XKR4: variants seen among roughly 807,000 people sequenced by gnomAD.
XKR4 encodes XK related 4.
Under a neutral mutation model 53.9 loss-of-function variants are expected in XKR4, and 12 were observed. That is an observed-to-expected ratio of 0.22 (90% CI 0.14 to 0.36). The LOEUF (loss-of-function observed/expected upper bound fraction) is 0.36. XKR4 is among the 10% of genes least tolerant of loss of function. The pLI is 1.00. For synonymous variants in XKR4, 354 were observed against 362.4 expected (o/e 0.98, Z 0.26); for missense variants, 799 against 859.5 (o/e 0.93, Z 0.88).
rs75058595 is a variant in XKR4 at position 55,224,478 on chromosome 8, C to A, written c.806+121184C>A. ...AATGATTTTGTCATAAGACTTAGTTCACTCTCAACTTTGTCACTTACTTTT... is the reference window on the plus strand; with the variant it reads ...AATGATTTTGTCATAAGACTTAGTTAACTCTCAACTTTGTCACTTACTTTT... On this transcript the variant is annotated intron_variant, in intron 1 of 2. Transcript: ENST00000327381. Among the ~76,000 whole-genome samples the A allele has an allele frequency of 8.7e-3, 1,331 of 152,232 alleles. 13 individuals carry two copies. The highest frequency in any genetic ancestry group is 0.024 in the Middle Eastern group (7 of 292).
chr8:55,428,628 C>T (rs973908439), intron 2 of XKR4, among the ~76,000 whole-genome samples: 4 of 152,188 alleles, frequency 2.6e-5, no homozygotes, highest in African/African-American at 9.7e-5. Flanking sequence ...TCAACTCCCC[C>T]GTGTGTCACA....
intron 2 of XKR4, among the ~76,000 whole-genome samples, chr8:55,364,635 G>T (rs2658888): frequency 0.21 from 31,724 of 151,644 alleles, 3,498 homozygotes; most frequent in African/African-American, 0.28. Context: ...TTTTGTTGGG[G>T]TTTTTTTTGT....
At chr8:55,389,090 G>A (rs536979013) in intron 2 of XKR4, among the ~76,000 whole-genome samples, 6 of 152,314 alleles carry the variant, frequency 3.9e-5, no homozygotes, top group African/African-American at 1.4e-4. Context: ...CACACAGGGA[G>A]AGAGACACGT....
chr8:55,365,584 G>A (rs2939677), intron 2 of XKR4, among the ~76,000 whole-genome samples: 11,967 of 151,800 alleles, frequency 0.079, 638 homozygotes, highest in South Asian at 0.12. Context: ...GCGCATGCCT[G>A]TAATCCCAGC....
At chr8:55,353,830 G>A (rs2129383936) in intron 1 of XKR4, among the ~76,000 whole-genome samples, 1 of 152,344 alleles carries the variant, frequency 6.6e-6, no homozygotes, top group African/African-American at 2.4e-5. Context: ...CAGCCGTGCA[G>A]CGGTGGGAGA....
At chr8:55,185,577 CT>C (rs1329561016) in intron 1 of XKR4, among the ~76,000 whole-genome samples, 6 of 152,122 alleles carry the variant, frequency 3.9e-5, no homozygotes, top group Non-Finnish European at 8.8e-5. Context: ...ATGAAACAAG[CT>C]TGAACTTTTT....
chr8:55,385,962 T>G (rs755931320), intron 2 of XKR4, among the ~76,000 whole-genome samples: 3 of 152,228 alleles, frequency 2.0e-5, no homozygotes, highest in Non-Finnish European at 4.4e-5. Context: ...CTTAGATATT[T>G]CATATGTATA....
intron 1 of XKR4, among the ~76,000 whole-genome samples, chr8:55,114,096 G>T (rs1394622711): frequency 6.6e-6 from 1 of 152,120 alleles, no homozygotes; most frequent in Non-Finnish European, 1.5e-5. Flanking sequence ...ATCCAGAAAT[G>T]GGATTGCTGG....
At chr8:55,178,968 A>G (rs143890852) in intron 1 of XKR4, among the ~76,000 whole-genome samples, 1 of 152,240 alleles carries the variant, frequency 6.6e-6, no homozygotes, top group African/African-American at 2.4e-5. Context: ...GGTATGGCAT[A>G]GTTAAGTGGA....
At chr8:55,326,468 CTT>C (rs10666278) in intron 1 of XKR4, among the ~76,000 whole-genome samples, 212 of 111,760 alleles carry the variant, frequency 1.9e-3, no homozygotes, top group Non-Finnish European at 3.4e-3. Flanking sequence ...ATTTTTTTTC[CTT>C]TTTTTTTTTT....
intron 2 of XKR4, among the ~76,000 whole-genome samples, chr8:55,487,490 G>A (rs2129401816): frequency 6.8e-6 from 1 of 147,396 alleles, no homozygotes; most frequent in South Asian, 2.1e-4. Flanking sequence ...TCTTGAGACA[G>A]AGTCTTACTC....
chr8:55,312,313 A>G (rs1422346969), intron 1 of XKR4, among the ~76,000 whole-genome samples: 2 of 152,204 alleles, frequency 1.3e-5, no homozygotes, highest in African/African-American at 2.4e-5. Flanking sequence ...ACAAAAATTC[A>G]TAGTTGCCAA....
At chr8:55,109,482 C>A (rs1816203458) in intron 1 of XKR4, among the ~76,000 whole-genome samples, 1 of 152,176 alleles carries the variant, frequency 6.6e-6, no homozygotes, top group Non-Finnish European at 1.5e-5. Flanking sequence ...CCCCTGAGTG[C>A]TGGCTTTGGC....
chr8:55,184,189 G>A (rs181260700), intron 1 of XKR4, among the ~76,000 whole-genome samples: 15 of 152,078 alleles, frequency 9.9e-5, no homozygotes, highest in Admixed American at 9.8e-4. Flanking sequence ...GGTTTTGTTG[G>A]TCCCTGTAGA....
At chr8:55,423,467 C>T (rs1013805030) in intron 2 of XKR4, among the ~76,000 whole-genome samples, 23 of 152,188 alleles carry the variant, frequency 1.5e-4, no homozygotes, top group African/African-American at 3.9e-4. Context: ...GCAATAAAAA[C>T]GTGGCCCCTG....
intron 1 of XKR4, chr8:55,140,120 TA>T (rs1479783855): frequency 9.4e-6 from 4 of 423,976 alleles, no homozygotes; most frequent in Non-Finnish European, 4.7e-6. Context: ...GAATTTCTTT[TA>T]GATGAAAATT....
chr8:55,110,383 A>T (rs1816214596), intron 1 of XKR4, among the ~76,000 whole-genome samples: 1 of 152,198 alleles, frequency 6.6e-6, no homozygotes, highest in Non-Finnish European at 1.5e-5. Context: ...AAGTTAGTCT[A>T]GTGGTTGTGG....
intron 1 of XKR4, among the ~76,000 whole-genome samples, chr8:55,222,279 G>T (rs76845548): frequency 1.3e-5 from 2 of 152,122 alleles, no homozygotes; most frequent in African/African-American, 2.4e-5. Flanking sequence ...TAATATTTCT[G>T]CATTCTGCTC....
At chr8:55,348,727 G>C (rs1309828272) in intron 1 of XKR4, among the ~76,000 whole-genome samples, 4 of 146,078 alleles carry the variant, frequency 2.7e-5, no homozygotes, top group African/African-American at 8.3e-5. Context: ...CACACAGAGA[G>C]AGAGATGATA....
Sources: allele counts gnomAD v4.1 joint callset (sites outside exome capture counted in the v4.1 genomes callset), GRCh38; gene constraint gnomAD v4.1.1; transcripts MANE v1.5; gene names NCBI Gene and HGNC (gene_info 2026-07-23, HGNC 2026-07-21).